Variants in CNTLN observed in about 807,000 individuals in gnomAD.
The protein encoded by CNTLN is centlein, centrosomal protein.
A neutral mutation model predicts 180.0 loss-of-function variants in CNTLN; 212 were observed. That is an observed-to-expected ratio of 1.18 (90% CI 1.05 to 1.32). The LOEUF (loss-of-function observed/expected upper bound fraction) is 1.32. Ranked by LOEUF, CNTLN falls within the 40% of genes most tolerant of loss-of-function variation. The probability of loss-of-function intolerance (pLI) is 0.00; values close to 1 mark genes in which losing one functional copy is unlikely to be tolerated. For missense variants in CNTLN, 2,095 were observed against 1,610.9 expected (o/e 1.30, Z -5.14); for synonymous variants, 722 against 563.1 (o/e 1.28, Z -3.99).
At chr9:17,311,613 T>C (rs531760462) in intron 8 of CNTLN, among the ~76,000 whole-genome samples, 9 of 151,746 alleles carry the variant, frequency 5.9e-5, no homozygotes, top group Admixed American at 4.6e-4. Flanking sequence ...TTAGAGACCA[T>C]CCGGGCCAAC....
intron 14 of CNTLN, among the ~76,000 whole-genome samples, chr9:17,388,740 G>A (rs531053739): frequency 4.0e-5 from 6 of 151,844 alleles, no homozygotes; most frequent in African/African-American, 1.4e-4. Flanking sequence ...ATTTATACCA[G>A]TATGATTTAG....
intron 10 of CNTLN, among the ~76,000 whole-genome samples, chr9:17,333,115 C>G (rs1026227981): frequency 6.6e-6 from 1 of 151,916 alleles, no homozygotes; most frequent in Non-Finnish European, 1.5e-5. Context: ...TAACCTAGCT[C>G]AGATCACTTA....
At chr9:17,244,062 CTTTA>C (rs1164584808) in intron 5 of CNTLN, among the ~76,000 whole-genome samples, 1 of 151,940 alleles carries the variant, frequency 6.6e-6, no homozygotes, top group Non-Finnish European at 1.5e-5. Flanking sequence ...ATATAATGAT[CTTTA>C]TTTCTTTTTA....
At chr9:17,202,646 G>GTTTTTTTTTTGT (rs1822616679) in intron 2 of CNTLN, among the ~76,000 whole-genome samples, 1 of 71,486 alleles carries the variant, frequency 1.4e-5, no homozygotes, top group African/African-American at 5.3e-5. Flanking sequence ...TGCAACCTCT[G>GTTTTTTTTTTGT]TTTTTTTTTT....
intron 2 of CNTLN, among the ~76,000 whole-genome samples, chr9:17,176,814 G>T (rs1470225608): frequency 6.6e-6 from 1 of 152,170 alleles, no homozygotes; most frequent in Admixed American, 6.5e-5. Context: ...GTGGTAGTTT[G>T]TGCATCTTGA....
rs745683651 is a variant in CNTLN, at chr9:17,236,537, G to T, written c.798G>T (p.Lys266Asn). The T allele has an allele frequency of 6.2e-7, 1 of 1,613,386 alleles. No homozygotes were observed. The highest frequency in any genetic ancestry group is 1.1e-5 in the South Asian group (1 of 90,994). The change falls in exon 5 of 26, where the codon AAG (lysine) becomes AAT (asparagine). Residue 266 changes from lysine to asparagine, a missense_variant. Physicochemically the swap from Lys to Asn is moderately conservative, Grantham distance 94. Coordinates refer to ENST00000380647, the MANE Select transcript of CNTLN (RefSeq NM_017738.4). ...TAAATGACCTGGAGAAATTGAGGAAGCAGGAAGCACATTTGAGAAAAGAAA... is the reference window on the plus strand; with the variant it reads ...TAAATGACCTGGAGAAATTGAGGAATCAGGAAGCACATTTGAGAAAAGAAA... ...DLLNDLEKLR[K>N]QEAHLRKEKY...
intron 2 of CNTLN, among the ~76,000 whole-genome samples, chr9:17,201,130 A>G (rs577767139): frequency 3.3e-5 from 5 of 152,332 alleles, no homozygotes; most frequent in African/African-American, 1.2e-4. Flanking sequence ...GTGATGGATT[A>G]CGTTTATTGA....
chr9:17,299,188 A>G (rs1296358850), intron 7 of CNTLN: 1 of 160,684 alleles, frequency 6.2e-6, no homozygotes, highest in East Asian at 2.2e-4. Context: ...GGTCGCAGTG[A>G]GCCAAGATCG....
At chr9:17,349,485 G>C (rs1468260176) in intron 12 of CNTLN, among the ~76,000 whole-genome samples, 2 of 152,012 alleles carry the variant, frequency 1.3e-5, no homozygotes, top group African/African-American at 4.8e-5. Context: ...AATTTTAAAA[G>C]TTAACTTTTA....
At chr9:17,295,630 A>G (rs1817840678) in intron 6 of CNTLN, among the ~76,000 whole-genome samples, 1 of 152,002 alleles carries the variant, frequency 6.6e-6, no homozygotes, top group Non-Finnish European at 1.5e-5. Context: ...CTAGTCGGCC[A>G]TCTTGGCCCG....
At chr9:17,268,736 C>T (rs751226162) in intron 5 of CNTLN, among the ~76,000 whole-genome samples, 10 of 152,092 alleles carry the variant, frequency 6.6e-5, no homozygotes, top group Non-Finnish European at 1.3e-4. Context: ...CAAGCCTGGG[C>T]AATGGCAGGC....
chr9:17,390,266 G>A (rs1193995367), intron 14 of CNTLN, among the ~76,000 whole-genome samples: 1 of 99,008 alleles, frequency 1.0e-5, no homozygotes, highest in Non-Finnish European at 1.9e-5. Context: ...TGGAGACAGA[G>A]TCTTGCTCTG....
intron 6 of CNTLN, among the ~76,000 whole-genome samples, chr9:17,291,290 T>G (rs1587521935): frequency 6.6e-6 from 1 of 152,156 alleles, no homozygotes; most frequent in Non-Finnish European, 1.5e-5. Flanking sequence ...CCATTGTTTT[T>G]GGGTGGAGAG....
intron 7 of CNTLN, among the ~76,000 whole-genome samples, chr9:17,307,414 G>A (rs988434153): frequency 2.0e-5 from 3 of 151,960 alleles, no homozygotes; most frequent in Non-Finnish European, 1.5e-5. Context: ...GACTACAGGT[G>A]CATGCTACCA....
intron 2 of CNTLN, among the ~76,000 whole-genome samples, chr9:17,194,610 A>C (rs962198812): frequency 5.9e-5 from 9 of 152,162 alleles, no homozygotes; most frequent in African/African-American, 2.2e-4. Context: ...GCCATTCAAC[A>C]AGTCTCTAGG....
chr9:17,435,041 T>C (rs1175717249), intron 18 of CNTLN, among the ~76,000 whole-genome samples: 2 of 152,208 alleles, frequency 1.3e-5, no homozygotes, highest in African/African-American at 2.4e-5. Context: ...TTTTGACTTC[T>C]CCAAAAACAA....
intron 2 of CNTLN, among the ~76,000 whole-genome samples, chr9:17,157,904 G>T (rs1326944306): frequency 6.6e-6 from 1 of 152,138 alleles, no homozygotes; most frequent in Non-Finnish European, 1.5e-5. Context: ...CTTTCTGAGG[G>T]ATCAGTGTTC....
In CNTLN at chr9:17,460,060, A is replaced by T. The variant is rs1043794295; in HGVS notation, c.3306+2345A>T. 2.6e-5 allele frequency among the ~76,000 whole-genome samples: 4 copies of T among 151,820 alleles called. No homozygotes were observed. The South Asian group carries it at 6.2e-4, about 24-fold the overall frequency. ...AAATTGGCTAGATTCGAATATACTA[A>T]AAGTTTATATACATCTTTTCTATAC... On this transcript the variant is annotated intron_variant, in intron 19 of 25. Coordinates refer to ENST00000380647, the MANE Select transcript of CNTLN (RefSeq NM_017738.4).
intron 12 of CNTLN, among the ~76,000 whole-genome samples, chr9:17,351,842 A>C (rs1433234302): frequency 6.6e-6 from 1 of 152,218 alleles, no homozygotes; most frequent in Non-Finnish European, 1.5e-5. Context: ...CTCTTTAAGC[A>C]AATCTGAGTT....
Sources: gnomAD v4.1 joint callset for allele counts (sites outside exome capture counted in the v4.1 genomes callset) on GRCh38, gnomAD v4.1.1 for gene constraint, MANE v1.5 for transcripts, NCBI Gene and HGNC (gene_info 2026-07-23, HGNC 2026-07-21) for gene names.